Variants in SLC4A10 observed in about 807,000 individuals in gnomAD.
The protein encoded by SLC4A10 is solute carrier family 4 member 10, also known as sodium-driven chloride bicarbonate exchanger.
In SLC4A10, 42 loss-of-function variants were observed where a neutral mutation model predicts 137.7. The observed-to-expected ratio is 0.30, with a 90% CI of 0.24 to 0.39. The LOEUF is 0.39. Among genes scored for constraint, SLC4A10 ranks in the 10% least tolerant of loss-of-function variants. The probability of loss-of-function intolerance (pLI) is 1.00; values close to 1 mark genes in which losing one functional copy is unlikely to be tolerated. For missense variants in SLC4A10, 925 were observed against 1,355.0 expected (o/e 0.68, Z 4.98); for synonymous variants, 474 against 464.1 (o/e 1.02, Z -0.27).
At chr2:161,842,421 A>C (rs746148295) in intron 4 of SLC4A10, among the ~76,000 whole-genome samples, 21 of 152,046 alleles carry the variant, frequency 1.4e-4, no homozygotes, top group Non-Finnish European at 2.6e-4. Flanking sequence ...TTGATTATTC[A>C]AATTATTAGT....
intron 24 of SLC4A10, among the ~76,000 whole-genome samples, chr2:161,974,605 G>C (rs570285947): frequency 6.6e-6 from 1 of 152,132 alleles, no homozygotes; most frequent in Non-Finnish European, 1.5e-5. Context: ...TTCTCAGAAA[G>C]TAGCACCAGA....
chr2:161,879,191 G>A lies in SLC4A10; in HGVS notation c.1009G>A (p.Gly337Arg). The A allele has an allele frequency of 6.2e-7, 1 of 1,613,512 alleles. No individual in the cohort carries two copies. The highest frequency in any genetic ancestry group is 2.2e-5 in the East Asian group (1 of 44,854). ...TGCTGAAGCATCGAACATCTTAGTG[G>A]GAGAACTGGAGTTCTTGGATCGAAC... ...PGAEASNILV[G>R]ELEFLDRTVV... Residue 337 changes from glycine to arginine, a missense_variant, in exon 9 of 27, where the codon GGA becomes AGA. By Grantham distance (125) the Gly-to-Arg change is moderately radical (BLOSUM62 -2). Coordinates refer to ENST00000446997, the MANE Select transcript of SLC4A10 (RefSeq NM_001178015.2).
At chr2:161,726,204 T>G (rs922967271) in intron 1 of SLC4A10, among the ~76,000 whole-genome samples, 14 of 152,110 alleles carry the variant, frequency 9.2e-5, no homozygotes, top group African/African-American at 3.4e-4. Context: ...AAATAACAAT[T>G]ACAATGAATA....
intron 19 of SLC4A10, among the ~76,000 whole-genome samples, chr2:161,951,704 T>C (rs1694832766): frequency 6.6e-6 from 1 of 152,180 alleles, no homozygotes; most frequent in South Asian, 2.1e-4. Flanking sequence ...TCATGCTTTA[T>C]AGAATTTTTT....
chr2:161,872,425 A>T, intron 7 of SLC4A10, 41 bp downstream of exon 7: 1 of 1,506,786 alleles, frequency 6.6e-7, no homozygotes, highest in Non-Finnish European at 9.2e-7. Flanking sequence ...TTGCTAAATT[A>T]CTACTAGAAA....
chr2:161,869,316 T>G (rs2060964203), intron 6 of SLC4A10, among the ~76,000 whole-genome samples: 1 of 151,624 alleles, frequency 6.6e-6, no homozygotes, highest in Admixed American at 6.6e-5. Flanking sequence ...AGTATTTCAG[T>G]TAATGAAATT....
chr2:161,947,410 T>C (rs1281879112), intron 16 of SLC4A10, among the ~76,000 whole-genome samples, 156 bp from the exon 17 acceptor site: 1 of 152,160 alleles, frequency 6.6e-6, no homozygotes, highest in Non-Finnish European at 1.5e-5. Context: ...AAGTTGAACT[T>C]GAAACTCGTA....
intron 14 of SLC4A10, among the ~76,000 whole-genome samples, 180 bp from the exon 15 acceptor site, chr2:161,905,462 A>G (rs1010371492): frequency 6.6e-5 from 10 of 152,162 alleles, no homozygotes; most frequent in African/African-American, 2.4e-4. Flanking sequence ...CCTTTTCATA[A>G]CAGGCCATGG....
intron 3 of SLC4A10, among the ~76,000 whole-genome samples, chr2:161,826,232 A>G (rs2058013296): frequency 6.6e-6 from 1 of 152,202 alleles, no homozygotes; most frequent in Non-Finnish European, 1.5e-5. Flanking sequence ...TCATAATTTC[A>G]TAAGATAGAT....
chr2:161,713,710 A>T (rs1429155767), intron 1 of SLC4A10, among the ~76,000 whole-genome samples: 1 of 151,930 alleles, frequency 6.6e-6, no homozygotes. Flanking sequence ...TTGGAAATTA[A>T]AATTGCCATT....
intron 2 of SLC4A10, among the ~76,000 whole-genome samples, chr2:161,788,894 T>G (rs1032708577): frequency 6.6e-6 from 1 of 152,160 alleles, no homozygotes; most frequent in African/African-American, 2.4e-5. Flanking sequence ...AGGTCAGCCC[T>G]CATCAGGAAA....
rs1448520596 is a variant in SLC4A10, at chr2:161,937,082, T to G, written c.1998-5710T>G. Among the ~76,000 whole-genome samples the G allele has an allele frequency of 9.9e-5, 15 of 152,210 alleles. 1 individual carries two copies. Among genetic ancestry groups the G allele is most frequent in the Non-Finnish European group, 2.2e-4 (15 of 68,030 alleles). On this transcript the variant is annotated intron_variant, in intron 15 of 26. Transcript: ENST00000446997. ...TACATTGTTAAATTTATCTTTTAAC[T>G]TCCTCATTGTCCCACTGGTTGTTGA...
intron 10 of SLC4A10, among the ~76,000 whole-genome samples, chr2:161,885,173 G>C (rs2062150851): frequency 6.6e-6 from 1 of 151,742 alleles, no homozygotes; most frequent in Non-Finnish European, 1.5e-5. Context: ...GCGAGACTCT[G>C]TCTCAAAAAT....
At chr2:161,768,644 A>G (rs115362051) in intron 1 of SLC4A10, among the ~76,000 whole-genome samples, 301 of 152,080 alleles carry the variant, frequency 2.0e-3, no homozygotes, top group Non-Finnish European at 2.5e-3. Context: ...TACAGATCAT[A>G]TAAGAATTTA....
intron 1 of SLC4A10, among the ~76,000 whole-genome samples, chr2:161,703,676 G>T (rs56315911): frequency 0.081 from 12,290 of 151,458 alleles, 550 homozygotes; most frequent in East Asian, 0.14. Context: ...CTGATGATGA[G>T]GAAATTAGAA....
chr2:161,824,037 T>C (rs1280110776), intron 3 of SLC4A10, among the ~76,000 whole-genome samples: 3 of 152,230 alleles, frequency 2.0e-5, no homozygotes, highest in African/African-American at 7.2e-5. Context: ...GTTCTATCGA[T>C]GCTTTGTCCC....
chr2:161,829,540 T>G (rs1241610907), intron 3 of SLC4A10, among the ~76,000 whole-genome samples: 2 of 152,226 alleles, frequency 1.3e-5, no homozygotes, highest in Non-Finnish European at 2.9e-5. Context: ...TGGATTCTCA[T>G]GAATCTCAAT....
At chr2:161,785,254 C>G (rs1367070277) in intron 2 of SLC4A10, among the ~76,000 whole-genome samples, 4 of 151,550 alleles carry the variant, frequency 2.6e-5, no homozygotes, top group Non-Finnish European at 4.4e-5. Flanking sequence ...GACCTCCAAA[C>G]AAAGAAAATC....
chr2:161,678,970 G>A (rs537679750), intron 1 of SLC4A10, among the ~76,000 whole-genome samples: 6 of 152,010 alleles, frequency 3.9e-5, no homozygotes, highest in Non-Finnish European at 8.8e-5. Flanking sequence ...TTTCTTTTGG[G>A]TATATAACTA....
Sources: gnomAD v4.1 joint callset for allele counts (sites outside exome capture counted in the v4.1 genomes callset) on GRCh38, gnomAD v4.1.1 for gene constraint, MANE v1.5 for transcripts, NCBI Gene and HGNC (gene_info 2026-07-23, HGNC 2026-07-21) for gene names.